Variants in ACTN1 observed in about 807,000 individuals in gnomAD.
The protein encoded by ACTN1 is actinin alpha 1.
ACTN1 carries 30 observed loss-of-function variants against 119.6 expected under a neutral mutation model. The ratio of observed to expected loss-of-function variants is 0.25; its 90% CI spans 0.19 to 0.34. ACTN1 has a LOEUF of 0.34. ACTN1 is among the 10% of genes least tolerant of loss of function. The pLI, the probability that ACTN1 is intolerant of heterozygous loss-of-function variation, is 1.00. For synonymous variants in ACTN1, 429 were observed against 472.6 expected, an observed-to-expected ratio of 0.91 and a Z score of 1.20; for missense variants, 764 against 1,223.4, an observed-to-expected ratio of 0.62 and a Z score of 5.60.
chr14:68,956,944 C>T (rs978972458), intron 1 of ACTN1, among the ~76,000 whole-genome samples: 3 of 152,042 alleles, frequency 2.0e-5, no homozygotes, highest in African/African-American at 7.2e-5. Flanking sequence ...CACATGGCCA[C>T]AAGCTGGAGG....
chr14:68,950,454 G>A, intron 1 of ACTN1, among the ~76,000 whole-genome samples: 1 of 91,368 alleles, frequency 1.1e-5, no homozygotes, highest in Non-Finnish European at 2.1e-5. Flanking sequence ...TAATATATAT[G>A]CGTGTGTGTA....
chr14:68,883,728 T>C (rs1022141210), intron 14 of ACTN1, among the ~76,000 whole-genome samples: 1 of 152,174 alleles, frequency 6.6e-6, no homozygotes, highest in Non-Finnish European at 1.5e-5. Flanking sequence ...TAGTGAGCTA[T>C]GATCCCACCA....
intron 8 of ACTN1, among the ~76,000 whole-genome samples, chr14:68,899,645 A>G (rs772394698): frequency 2.6e-5 from 4 of 151,912 alleles, no homozygotes; most frequent in African/African-American, 4.8e-5. Flanking sequence ...CTTCATACCC[A>G]CTACACCCAC....
At chr14:68,944,758 G>A (rs1466661907) in intron 1 of ACTN1, among the ~76,000 whole-genome samples, 2 of 152,100 alleles carry the variant, frequency 1.3e-5, no homozygotes, top group Non-Finnish European at 2.9e-5. Flanking sequence ...TAAATGTGAA[G>A]GGGGCCCACA....
chr14:68,922,487 T>TC (rs1192404483), intron 2 of ACTN1, among the ~76,000 whole-genome samples: 5 of 151,952 alleles, frequency 3.3e-5, no homozygotes, highest in African/African-American at 1.2e-4. Context: ...AGAGGCTCCC[T>TC]CCCCACAGGA....
chr14:68,938,911 G>GC (rs917111343), intron 1 of ACTN1, among the ~76,000 whole-genome samples: 3 of 126,992 alleles, frequency 2.4e-5, no homozygotes, highest in African/African-American at 1.1e-4. Flanking sequence ...GAGATGGGGA[G>GC]GGGGGAGTGG....
rs746700134 is a variant in ACTN1, at chr14:68,909,308, G to A, written c.594+10C>T. 1 of 1,613,614 alleles carries A rather than the reference G, an allele frequency of 6.2e-7. No homozygotes were observed. The highest frequency in any genetic ancestry group is 1.7e-4 in the Middle Eastern group (1 of 5,902). ...GGACCCAAAGCGGGTGGTCAGGTGGGCACACATACCTTCCGCAGCTTCCCG... is the reference window on the plus strand; with the variant it reads ...GGACCCAAAGCGGGTGGTCAGGTGGACACACATACCTTCCGCAGCTTCCCG... On this transcript the variant is annotated intron_variant, in intron 6 of 21. Coordinates refer to ENST00000394419, the MANE Select transcript of ACTN1 (RefSeq NM_001130004.2). This position sits in a 1 kb window ranked among gnomAD's most constrained non-coding sequence, Gnocchi z 4.1.
chr14:68,900,985 GGCAGCGGCAGCA>G (rs2033271391), intron 8 of ACTN1: 1 of 152,402 alleles, frequency 6.6e-6, no homozygotes, highest in African/African-American at 2.4e-5. Context: ...GGAGAAAGTA[GGCAGCGGCAGCA>G]GCACAGAATA....
Position 68,878,893 on chromosome 14 carries a change from C to A in ACTN1, c.2361+96G>T. The stretch of plus-strand genomic sequence containing the variant: ...AGCCCCATGGCCCACAGGAGGGGGA[C>A]AGGAGATCCAGACAGAGAGAAGAGA... On this transcript the variant is annotated intron_variant, in intron 19 of 21. Transcript: ENST00000394419. This position sits in a 1 kb window ranked among gnomAD's most constrained non-coding sequence, Gnocchi z 4.4. 2 of 1,601,328 alleles carry A rather than the reference C, an allele frequency of 1.2e-6. No homozygotes were observed. The highest frequency in any genetic ancestry group is 1.7e-6 in the Non-Finnish European group (2 of 1,178,436).
rs764403516 is a variant in ACTN1 at position 68,875,073 on chromosome 14, C to T, written c.2587-56G>A. 12 of 1,600,542 alleles carry T rather than the reference C, an allele frequency of 7.5e-6. No individual in the cohort carries two copies. In the Admixed American group the frequency reaches 1.2e-4, roughly 16 times the overall value. ...AAAGTCCAGCAGCCGTAAAGCGGCGCGGCCCGACACAGCCGCAAAGCCTGG... is the reference window on the plus strand; with the variant it reads ...AAAGTCCAGCAGCCGTAAAGCGGCGTGGCCCGACACAGCCGCAAAGCCTGG... On this transcript the variant is annotated intron_variant, in intron 21 of 21. Coordinates refer to ENST00000394419, the MANE Select transcript of ACTN1 (RefSeq NM_001130004.2).
chr14:68,938,236 G>A (rs937157869), intron 1 of ACTN1, among the ~76,000 whole-genome samples: 1 of 152,198 alleles, frequency 6.6e-6, no homozygotes, highest in Non-Finnish European at 1.5e-5. Context: ...CCACCTGGGA[G>A]TGGCTGCTGA....
intron 1 of ACTN1, among the ~76,000 whole-genome samples, chr14:68,974,630 G>C (rs1028170940): frequency 6.6e-6 from 1 of 152,114 alleles, no homozygotes; most frequent in African/African-American, 2.4e-5. Context: ...CTTCCTTTGA[G>C]ATGCACCTCC....
At position 68,879,393 on chromosome 14, in the gene ACTN1, G is replaced by A. The variant is rs1295765078; in HGVS notation, c.2281-324C>T. Among the ~76,000 whole-genome samples, 1 of 152,016 alleles carries A rather than the reference G, an allele frequency of 6.6e-6. No individual in the cohort carries two copies. Among genetic ancestry groups the A allele is most frequent in the African/African-American group, 2.4e-5 (1 of 41,390 alleles). ...CGCTTCCCCAGGGGCTTCCCCCCAGGTGCCTAGAGAGCCATGAAGCAGGTG... is the reference window on the plus strand; with the variant it reads ...CGCTTCCCCAGGGGCTTCCCCCCAGATGCCTAGAGAGCCATGAAGCAGGTG... On this transcript the variant is annotated intron_variant, in intron 18 of 21. Coordinates refer to ENST00000394419, the MANE Select transcript of ACTN1 (RefSeq NM_001130004.2). This position sits in a 1 kb window ranked among gnomAD's most constrained non-coding sequence, Gnocchi z 4.9.
rs148244587 is a variant in ACTN1, at chr14:68,977,041, C to T, written c.105+1911G>A. On this transcript the variant is annotated intron_variant, in intron 1 of 21. Coordinates refer to ENST00000394419, the MANE Select transcript of ACTN1 (RefSeq NM_001130004.2). ...GTGCTCAGTGTCTGTCCCCTAGGAA[C>T]TTGGTCTCACAGTCCTTTCAGGGGC... Among the ~76,000 whole-genome samples, 664 of 152,292 alleles carry T rather than the reference C, an allele frequency of 4.4e-3. 2 individuals are homozygous for T. The highest frequency in any genetic ancestry group is 8.0e-3 in the Non-Finnish European group (547 of 68,022).
chr14:68,955,494 T>C (rs2036325359), intron 1 of ACTN1, among the ~76,000 whole-genome samples: 2 of 152,054 alleles, frequency 1.3e-5, no homozygotes, highest in African/African-American at 2.4e-5. Flanking sequence ...GACTAGAGGA[T>C]CAGAGGTCAC....
At chr14:68,937,467 T>C (rs918131572) in intron 1 of ACTN1, among the ~76,000 whole-genome samples, 8 of 151,994 alleles carry the variant, frequency 5.3e-5, no homozygotes, top group African/African-American at 1.9e-4. Flanking sequence ...AAATAAGATA[T>C]AATATAGGGA....
chr14:68,910,731 T>C (rs1208171138), intron 4 of ACTN1, among the ~76,000 whole-genome samples: 1 of 152,152 alleles, frequency 6.6e-6, no homozygotes, highest in Non-Finnish European at 1.5e-5. Context: ...CCACGTGTTG[T>C]GGGAGAGAGA....
intron 6 of ACTN1, among the ~76,000 whole-genome samples, chr14:68,906,904 C>T (rs2033695809): frequency 1.3e-5 from 2 of 152,026 alleles, no homozygotes; most frequent in African/African-American, 4.8e-5. Context: ...AGGAGGGTCA[C>T]ATTGAGGCCA....
At chr14:68,902,388 C>T (rs1252778767) in intron 8 of ACTN1, 89 bp downstream of exon 8, 1 of 1,120,592 alleles carries the variant, frequency 8.9e-7, no homozygotes, top group East Asian at 2.4e-5. Context: ...ATACCTGTCA[C>T]CAGGAGAGGT....
Sources: allele counts gnomAD v4.1 joint callset (sites outside exome capture counted in the v4.1 genomes callset), GRCh38; gene constraint gnomAD v4.1.1; non-coding constraint Gnocchi (gnomAD v3.1); transcripts MANE v1.5; gene names NCBI Gene and HGNC (gene_info 2026-07-23, HGNC 2026-07-21).